The following KANK1 variants were observed in gnomAD, a reference collection of about 807,000 sequenced individuals.
KANK1 encodes the protein KN motif and ankyrin repeat domain-containing protein 1.
Under a neutral mutation model 106.2 loss-of-function variants are expected in KANK1, and 109 were observed. That is an observed-to-expected ratio of 1.03 (90% CI 0.88 to 1.20). The LOEUF is 1.20. Ranked by LOEUF, KANK1 falls within the 50% of genes most tolerant of loss-of-function variation. The pLI, the probability that KANK1 is intolerant of heterozygous loss-of-function variation, is 0.00. For missense variants in KANK1, 2,399 were observed against 1,710.7 expected (o/e 1.40, Z -7.10); for synonymous variants, 873 against 652.2 (o/e 1.34, Z -5.16).
At chr9:474,002 T>A (rs947833378) in intron 3 of KANK1, among the ~76,000 whole-genome samples, 1 of 152,176 alleles carries the variant, frequency 6.6e-6, no homozygotes, top group Admixed American at 6.5e-5. Flanking sequence ...CAGCCAAGAA[T>A]TAATTTCAAC....
chr9:525,467 C>T (rs2059748856), intron 1 of KANK1, among the ~76,000 whole-genome samples: 2 of 151,364 alleles, frequency 1.3e-5, no homozygotes, highest in African/African-American at 4.9e-5. Context: ...GCAACTTCCA[C>T]CTCCCTGGTT....
intron 1 of KANK1, among the ~76,000 whole-genome samples, chr9:510,903 G>A (rs1278354433): frequency 6.6e-6 from 1 of 152,156 alleles, no homozygotes; most frequent in Non-Finnish European, 1.5e-5. Context: ...GATGAAGGCT[G>A]CTAGACCAGC....
chr9:524,834 A>G (rs1214544532), intron 1 of KANK1, among the ~76,000 whole-genome samples: 1 of 151,310 alleles, frequency 6.6e-6, no homozygotes, highest in Non-Finnish European at 1.5e-5. Flanking sequence ...GGTTTTGATC[A>G]GTGTTCTGAA....
At chr9:553,836 A>C (rs1466076937) in intron 1 of KANK1, among the ~76,000 whole-genome samples, 3 of 152,362 alleles carry the variant, frequency 2.0e-5, no homozygotes, top group South Asian at 4.1e-4. Flanking sequence ...TAATAGGTTT[A>C]ATGGAAATTA....
rs117169920 is a variant in KANK1, at chr9:543,391, A to G, written c.-84+38637A>G. On this transcript the variant is annotated intron_variant, in intron 1 of 11. Transcript: ENST00000382297. Reference sequence around the variant, plus strand: ...GCCAACATGGTGAAACCCCATGTCTATTAAAACTACAAAAAAAAATAGCTG... The same window carrying G: ...GCCAACATGGTGAAACCCCATGTCTGTTAAAACTACAAAAAAAAATAGCTG... Among the ~76,000 whole-genome samples the G allele has an allele frequency of 4.9e-3, 752 of 151,932 alleles. 10 individuals carry two copies. The highest frequency in any genetic ancestry group is 0.016 in the African/African-American group (644 of 41,438).
chr9:509,287 G>C (rs554884991), intron 1 of KANK1, among the ~76,000 whole-genome samples: 1 of 152,052 alleles, frequency 6.6e-6, no homozygotes, highest in Non-Finnish European at 1.5e-5. Context: ...TAGTAGACAC[G>C]GGGTTTCACC....
chr9:485,471 A>G (rs912536054), intron 3 of KANK1, among the ~76,000 whole-genome samples: 4 of 152,204 alleles, frequency 2.6e-5, no homozygotes, highest in African/African-American at 9.6e-5. Context: ...AAACTTTAGC[A>G]GAGTTATTGA....
intron 3 of KANK1, chr9:495,673 CG>C (rs2132371221): frequency 6.6e-6 from 1 of 152,302 alleles, no homozygotes; most frequent in East Asian, 1.9e-4. Context: ...AATCATGTGG[CG>C]CAGTCTCTTT....
chr9:472,424 C>T (rs965111672), intron 2 of KANK1, among the ~76,000 whole-genome samples: 3 of 152,198 alleles, frequency 2.0e-5, no homozygotes, highest in African/African-American at 4.8e-5. Context: ...CTTCTTAGCA[C>T]CAGAAGAGCT....
chr9:591,508 T>C (rs1354402016), intron 1 of KANK1, among the ~76,000 whole-genome samples: 3 of 151,762 alleles, frequency 2.0e-5, no homozygotes, highest in Admixed American at 1.3e-4. Flanking sequence ...TCACTCACCC[T>C]TGAACACTAT....
At chr9:566,616 T>A (rs1021195777) in intron 1 of KANK1, among the ~76,000 whole-genome samples, 2 of 152,238 alleles carry the variant, frequency 1.3e-5, no homozygotes, top group African/African-American at 4.8e-5. Context: ...TCGGTAATGT[T>A]GAGCTTTTTT....
chr9:681,990 G>C (rs1817637222), intron 2 of KANK1, among the ~76,000 whole-genome samples: 2 of 152,096 alleles, frequency 1.3e-5, no homozygotes, highest in South Asian at 4.1e-4. Flanking sequence ...GCATTAAAAT[G>C]TTATTTAGGC....
intron 1 of KANK1, among the ~76,000 whole-genome samples, chr9:658,732 T>C (rs1355243582): frequency 6.6e-6 from 1 of 152,216 alleles, no homozygotes; most frequent in African/African-American, 2.4e-5. Flanking sequence ...TTGAAAAGAC[T>C]TTCCTTCCTT....
At chr9:598,433 C>A (rs1161709245) in intron 1 of KANK1, among the ~76,000 whole-genome samples, 2 of 151,264 alleles carry the variant, frequency 1.3e-5, no homozygotes, top group Non-Finnish European at 2.9e-5. Flanking sequence ...TACATTGAAT[C>A]TGCAGATTAT....
intron 1 of KANK1, among the ~76,000 whole-genome samples, chr9:577,720 A>G (rs1366369521): frequency 6.6e-6 from 1 of 152,220 alleles, no homozygotes; most frequent in Non-Finnish European, 1.5e-5. Context: ...CTCTTGAATC[A>G]GAAATTCTGA....
chr9:626,600 A>G (rs1250947813), intron 1 of KANK1, among the ~76,000 whole-genome samples: 2 of 152,256 alleles, frequency 1.3e-5, no homozygotes, highest in Non-Finnish European at 2.9e-5. Context: ...TATTTAGTGA[A>G]TAAATAAATA....
At chr9:490,331 C>T (rs2058357230) in intron 3 of KANK1, among the ~76,000 whole-genome samples, 1 of 152,040 alleles carries the variant, frequency 6.6e-6, no homozygotes, top group Non-Finnish European at 1.5e-5. Flanking sequence ...CAAAGTGATA[C>T]CTCATCCCTA....
intron 1 of KANK1, among the ~76,000 whole-genome samples, chr9:608,102 A>G (rs966556678): frequency 4.2e-5 from 6 of 143,228 alleles, no homozygotes; most frequent in African/African-American, 8.0e-5. Context: ...CAGTGGCGCA[A>G]TCTCGGCTCA....
At chr9:721,329 CAAAT>C (rs1479251000) in intron 3 of KANK1, among the ~76,000 whole-genome samples, 4 of 152,026 alleles carry the variant, frequency 2.6e-5, no homozygotes, top group Admixed American at 2.6e-4. Context: ...TCTGCAGGCA[CAAAT>C]AAATTCTTGG....
Sources: allele counts gnomAD v4.1 joint callset (sites outside exome capture counted in the v4.1 genomes callset), GRCh38; gene constraint gnomAD v4.1.1; transcripts MANE v1.5; gene names NCBI Gene and HGNC (gene_info 2026-07-23, HGNC 2026-07-21).